DNM1: variants seen among roughly 807,000 people sequenced by gnomAD.
DNM1 encodes the protein dynamin-1.
A neutral mutation model predicts 104.6 loss-of-function variants in DNM1; 29 were observed. That is an observed-to-expected ratio of 0.28 (90% confidence interval 0.21 to 0.38). The LOEUF (loss-of-function observed/expected upper bound fraction) is 0.38, where lower values mean the gene tolerates loss of function less well. Among genes scored for constraint, DNM1 ranks in the 10% least tolerant of loss-of-function variants. The pLI is 1.00. For synonymous variants in DNM1, 445 were observed against 475.8 expected (o/e 0.94, Z 0.84); for missense variants, 640 against 1,189.4 (o/e 0.54, Z 6.79).
Position 128,253,155 on chromosome 9 carries a change from C to A in DNM1, c.2535-1499C>A. 1 of 1,601,722 alleles carries A rather than the reference C, an allele frequency of 6.2e-7. No individual in the cohort carries two copies. The highest frequency in any genetic ancestry group is 8.5e-7 in the Non-Finnish European group (1 of 1,179,360). On this transcript the variant is annotated intron_variant, in intron 21 of 21. Coordinates refer to ENST00000372923, the MANE Select transcript of DNM1 (RefSeq NM_004408.4). This position sits in a 1 kb window ranked among gnomAD's most constrained non-coding sequence, Gnocchi z 5.9. ...CAGCCATGGTAGGTACATGCCTCAC[C>A]GCCTGCTGCATGAACGGTGTGTCTG...
In DNM1 at chr9:128,247,191, A is replaced by C; in HGVS notation, c.1782-184A>C. Reference sequence around the variant, plus strand: ...TCCTCAGTGACCCAAGGAGGCAGGAATTATTATTAACCCATCTTCCCAGTG... The same window carrying C: ...TCCTCAGTGACCCAAGGAGGCAGGACTTATTATTAACCCATCTTCCCAGTG... On this transcript the variant is annotated intron_variant, in intron 16 of 21. Coordinates refer to ENST00000372923, the MANE Select transcript of DNM1 (RefSeq NM_004408.4). The surrounding 1 kb of genome is among the most constrained non-coding windows in gnomAD (Gnocchi z 5.1). The C allele has an allele frequency of 9.9e-6, 5 of 506,730 alleles. No homozygotes were observed. Among genetic ancestry groups the C allele is most frequent in the East Asian group, 3.0e-5 (1 of 32,936 alleles). 31.4% of individuals were successfully genotyped at this position (506,730 alleles called of 1,614,324 possible).
intron 13 of DNM1, 48 bp downstream of exon 13, chr9:128,239,827 G>A (rs76478730): frequency 3.1e-5 from 50 of 1,589,474 alleles, no homozygotes; most frequent in East Asian, 1.6e-4. Flanking sequence ...GGTGCCGGAC[G>A]GACACCAGAC....
chr9:128,232,275 C>T (rs1835742628), intron 10 of DNM1, among the ~76,000 whole-genome samples: 1 of 152,164 alleles, frequency 6.6e-6, no homozygotes, highest in South Asian at 2.1e-4. Flanking sequence ...AATGTCTGCC[C>T]AGACTTGGAG....
At chr9:128,233,946 G>A in intron 10 of DNM1, 75 bp from the exon 11 acceptor site, 1 of 1,350,352 alleles carries the variant, frequency 7.4e-7, no homozygotes, top group Non-Finnish European at 1.0e-6. Flanking sequence ...GCGGATCCCT[G>A]GACTCGTGGG....
intron 10 of DNM1, chr9:128,233,419 G>A (rs1030278572): frequency 6.5e-6 from 1 of 153,442 alleles, no homozygotes; most frequent in Non-Finnish European, 1.5e-5. Flanking sequence ...GCTTTTGCTT[G>A]TGTTTCCTGC....
In DNM1 at chr9:128,248,031, C is replaced by G; in HGVS notation, c.1905+96C>G. The G allele has an allele frequency of 1.9e-6, 3 of 1,560,208 alleles. No homozygotes were observed. Among genetic ancestry groups the G allele is most frequent in the Non-Finnish European group, 2.7e-6 (3 of 1,131,974 alleles). ...GCAAGGGACCTGGAGATGTTCTTTT[C>G]TAATTTCTGGATTGGGGCCAGGCGC... On this transcript the variant is annotated intron_variant, in intron 18 of 21. Transcript: ENST00000372923. The surrounding 1 kb of genome is among the most constrained non-coding windows in gnomAD (Gnocchi z 5.6).
At chr9:128,246,277 G>A (rs1316585266) in intron 15 of DNM1, 117 bp from the exon 16 acceptor site, 5 of 742,640 alleles carry the variant, frequency 6.7e-6, no homozygotes, top group Admixed American at 2.1e-5. Context: ...CTGCACCTTC[G>A]CAGTGGGAGG....
At chr9:128,225,690 G>A (rs371415112) in intron 10 of DNM1, among the ~76,000 whole-genome samples, 2 of 152,124 alleles carry the variant, frequency 1.3e-5, no homozygotes, top group African/African-American at 2.4e-5. Flanking sequence ...CAGTGAGGCC[G>A]AGGAGCAGGG....
In DNM1 at chr9:128,223,064, G is replaced by C. The variant is rs1054159505; in HGVS notation, c.1196+204G>C. The C allele has an allele frequency of 8.5e-6, 5 of 588,664 alleles. No homozygotes were observed. In the African/African-American group the frequency reaches 9.4e-5, roughly 11 times the overall value. 36.5% of individuals were successfully genotyped at this position (588,664 alleles called of 1,614,324 possible). On this transcript the variant is annotated intron_variant, in intron 9 of 21. Coordinates refer to ENST00000372923, the MANE Select transcript of DNM1 (RefSeq NM_004408.4). ...CGGGCCACCCCGCCTACTGCAACTT[G>C]CTGGGCCAACTGGGCACAGCCCAGG...
chr9:128,209,363 G>T (rs1834157697), intron 1 of DNM1, among the ~76,000 whole-genome samples: 1 of 152,156 alleles, frequency 6.6e-6, no homozygotes, highest in Non-Finnish European at 1.5e-5. Flanking sequence ...GGGTCAGAGG[G>T]TCGGACCCAG....
chr9:128,229,849 G>A (rs1463656166), intron 10 of DNM1, among the ~76,000 whole-genome samples: 1 of 151,954 alleles, frequency 6.6e-6, no homozygotes, highest in African/African-American at 2.4e-5. Flanking sequence ...GAAGGCAGAG[G>A]TTGCAGTGAG....
rs375454942 is a variant in DNM1, at chr9:128,226,866, C to A, written c.1335+2477C>A. Among the ~76,000 whole-genome samples the A allele has an allele frequency of 4.6e-5, 7 of 152,220 alleles. No individual in the cohort carries two copies. The East Asian group carries it at 1.4e-3, about 29-fold the overall frequency. On this transcript the variant is annotated intron_variant, in intron 10 of 21. Coordinates refer to ENST00000372923, the MANE Select transcript of DNM1 (RefSeq NM_004408.4). ...GGAGTGCGAGAGAATCAGTTGCCTG[C>A]AGGAGCTTCTCCAGCAGGCTAAATC...
rs552737302 is a variant in DNM1 at position 128,248,199 on chromosome 9, C to T, written c.1905+264C>T. 339 of 535,120 alleles carry T rather than the reference C, an allele frequency of 6.3e-4. No individual in the cohort carries two copies. The highest frequency in any genetic ancestry group is 4.3e-3 in the African/African-American group (225 of 52,458). 33.1% of individuals were successfully genotyped at this position (535,120 alleles called of 1,614,324 possible). On this transcript the variant is annotated intron_variant, in intron 18 of 21. Coordinates refer to ENST00000372923, the MANE Select transcript of DNM1 (RefSeq NM_004408.4). The surrounding 1 kb of genome is among the most constrained non-coding windows in gnomAD (Gnocchi z 5.6). ...AAAATTAGCCAGGCATGGTGGTGCGCGCCTGTAATCCCAGCTACTCAGGAG... is the reference window on the plus strand; with the variant it reads ...AAAATTAGCCAGGCATGGTGGTGCGTGCCTGTAATCCCAGCTACTCAGGAG...
Position 128,224,386 on chromosome 9 carries a change from G to T in DNM1, c.1332G>T (p.Lys444Asn), listed in dbSNP as rs1193211740. 1.2e-6 allele frequency: 2 copies of T among 1,608,962 alleles called. No individual in the cohort carries two copies. Among genetic ancestry groups the T allele is most frequent in the Non-Finnish European group, 1.7e-6 (2 of 1,176,352 alleles). Residue 444 changes from lysine (K) to asparagine (N), a missense_variant, in exon 10 of 22, where the codon AAG becomes AAT. Transcript: ENST00000372923. This position sits in a 1 kb window ranked among gnomAD's most constrained non-coding sequence, Gnocchi z 4.3. ...TCAGCACCGTTAGACAGTGCACCAA[G>T]AAGGTAACCCGGAGGCCCGGGCCAG... ...ELISTVRQCT[K>N]KLQQYPRLRE...
At position 128,254,719 on chromosome 9, in the gene DNM1, A is replaced by G. The variant is rs760211178; in HGVS notation, c.*5A>G. ...AGGCCCCCCTTCGACCTCTAAACAG[A>G]TCCCTCCTCTTCTCGGAGACCTCCC... On this transcript the variant is annotated 3_prime_UTR_variant, in exon 22 of 22. Coordinates refer to ENST00000372923, the MANE Select transcript of DNM1 (RefSeq NM_004408.4). This position sits in a 1 kb window ranked among gnomAD's most constrained non-coding sequence, Gnocchi z 6.1. 3 of 1,593,850 alleles carry G rather than the reference A, an allele frequency of 1.9e-6. No homozygotes were observed. Among genetic ancestry groups the G allele is most frequent in the Non-Finnish European group, 2.5e-6 (3 of 1,178,756 alleles).
chr9:128,248,351 G>C lies in DNM1; in HGVS notation c.1906-232G>C. 5.6e-6 allele frequency: 3 copies of C among 532,700 alleles called. No individual in the cohort carries two copies. The highest frequency in any genetic ancestry group is 1.0e-5 in the Non-Finnish European group (3 of 300,994). The allele number at this position is 532,700 out of a possible 1,614,324, so 33.0% of individuals were successfully genotyped here. ...TAATAATAATAATAATTTCTGGATTGGGAAATTGAGGCAAATTCTAGGCAC... is the reference window on the plus strand; with the variant it reads ...TAATAATAATAATAATTTCTGGATTCGGAAATTGAGGCAAATTCTAGGCAC... On this transcript the variant is annotated intron_variant, in intron 18 of 21. Transcript: ENST00000372923. This position sits in a 1 kb window ranked among gnomAD's most constrained non-coding sequence, Gnocchi z 5.6.
chr9:128,239,389 T>C (rs943219594), intron 11 of DNM1, 56 bp from the exon 12 acceptor site: 62 of 1,403,488 alleles, frequency 4.4e-5, no homozygotes, highest in Non-Finnish European at 5.8e-5. Context: ...TTGCCCTGCA[T>C]TTTAAAACTT....
chr9:128,238,388 C>T (rs936121896), intron 11 of DNM1, among the ~76,000 whole-genome samples: 1 of 152,066 alleles, frequency 6.6e-6, no homozygotes, highest in Non-Finnish European at 1.5e-5. Context: ...CCATGCCCAT[C>T]TAATTTTGTA....
In DNM1 at chr9:128,218,180, G is replaced by C. The variant is rs2131148369; in HGVS notation, c.162-51G>C. 1 of 1,580,168 alleles carries C rather than the reference G, an allele frequency of 6.3e-7. No individual in the cohort carries two copies. Among genetic ancestry groups the C allele is most frequent in the Non-Finnish European group, 8.7e-7 (1 of 1,149,014 alleles). On this transcript the variant is annotated intron_variant, in intron 1 of 21. Coordinates refer to ENST00000372923, the MANE Select transcript of DNM1 (RefSeq NM_004408.4). This position sits in a 1 kb window ranked among gnomAD's most constrained non-coding sequence, Gnocchi z 4.8. ...GGGCCGGACAGGTACCCCTGGGACA[G>C]AGGGCGCCCCCTCATATCTTGACCC...
Sources: allele counts gnomAD v4.1 joint callset (sites outside exome capture counted in the v4.1 genomes callset), GRCh38; gene constraint gnomAD v4.1.1; non-coding constraint Gnocchi (gnomAD v3.1); transcripts MANE v1.5; gene names NCBI Gene and HGNC (gene_info 2026-07-23, HGNC 2026-07-21).